SYNE2: variants seen among roughly 807,000 people sequenced by gnomAD.
SYNE2 encodes the protein spectrin repeat containing nuclear envelope protein 2.
A neutral mutation model predicts 856.3 loss-of-function variants in SYNE2; 431 were observed. That is an observed-to-expected ratio of 0.50 (90% CI 0.47 to 0.55). The LOEUF is 0.55. Among genes scored for constraint, SYNE2 ranks in the 20% least tolerant of loss-of-function variants. The pLI, the probability that SYNE2 is intolerant of heterozygous loss-of-function variation, is 0.00. For synonymous variants in SYNE2, 2,923 were observed against 2,872.3 expected, an observed-to-expected ratio of 1.02 and a Z score of -0.56; for missense variants, 8,129 against 8,023.2, an observed-to-expected ratio of 1.01 and a Z score of -0.50.
intron 1 of SYNE2, among the ~76,000 whole-genome samples, chr14:63,768,286 C>A (rs551062837): frequency 4.6e-5 from 7 of 152,004 alleles, no homozygotes; most frequent in Non-Finnish European, 1.0e-4. Flanking sequence ...ATTATAACAA[C>A]AAAACAAGTG....
At chr14:63,974,886 GTGTGTGTATATA>G (rs1171816754) in intron 11 of SYNE2, among the ~76,000 whole-genome samples, 17 of 26,292 alleles carry the variant, frequency 6.5e-4, no homozygotes, top group African/African-American at 1.8e-3. Flanking sequence ...GTGTGTGTGT[GTGTGTGTATATA>G]TATATATATA....
At chr14:63,926,229 C>T (rs373517236) in intron 2 of SYNE2, among the ~76,000 whole-genome samples, 2 of 150,856 alleles carry the variant, frequency 1.3e-5, no homozygotes, top group African/African-American at 4.9e-5. Context: ...CCCATCTCCA[C>T]CTCCAATCTC....
chr14:63,771,853 C>T (rs1378949576), intron 1 of SYNE2, among the ~76,000 whole-genome samples: 5 of 151,322 alleles, frequency 3.3e-5, no homozygotes, highest in East Asian at 1.9e-4. Context: ...ACCGAGATCA[C>T]GTCACTGCAC....
rs746394151 is a variant in SYNE2 at position 63,917,858 on chromosome 14, AT to A, written c.79+8645del. Reference sequence around the variant, plus strand: ...ATTTGCACTGCAAAGTGTTTTTCAAATTTTTTTTTTTTTTAGCTTTTATATA... The same window carrying A: ...ATTTGCACTGCAAAGTGTTTTTCAAATTTTTTTTTTTTTAGCTTTTATATA... On this transcript the variant is annotated intron_variant, in intron 2 of 115. Coordinates refer to ENST00000555002, the MANE Select transcript of SYNE2 (RefSeq NM_182914.3). Among the ~76,000 whole-genome samples the A allele has an allele frequency of 2.9e-3, 421 of 146,170 alleles. 1 individual carries two copies. Among genetic ancestry groups the A allele is most frequent in the East Asian group, 7.7e-3 (39 of 5,044 alleles).
intron 7 of SYNE2, among the ~76,000 whole-genome samples, chr14:63,952,957 A>T (rs2781427): frequency 0.47 from 71,740 of 151,762 alleles, 18,228 homozygotes; most frequent in Non-Finnish European, 0.56. Flanking sequence ...AGACAACTGT[A>T]CTCTTTTGCA....
chr14:63,997,525 C>T lies in SYNE2; in HGVS notation c.3243+134C>T, dbSNP rs559478566. 19 of 791,176 alleles carry T rather than the reference C, an allele frequency of 2.4e-5. No homozygotes were observed. The East Asian group carries it at 4.9e-4, about 20-fold the overall frequency. The allele number at this position is 791,176 out of a possible 1,614,324, so 49.0% of individuals were successfully genotyped here. A position where few individuals can be genotyped will look rare whatever the true frequency, so the allele number is the denominator to read the frequency against. On this transcript the variant is annotated intron_variant, in intron 25 of 115. Coordinates refer to ENST00000555002, the MANE Select transcript of SYNE2 (RefSeq NM_182914.3). ...TTTATCAATGGAGAATTTCCACTTA[C>T]ACAATGCAAAAGACTGATTTTCAAA...
intron 1 of SYNE2, among the ~76,000 whole-genome samples, chr14:63,865,713 C>T (rs780453114): frequency 2.7e-5 from 2 of 74,218 alleles, no homozygotes; most frequent in South Asian, 1.2e-3. Flanking sequence ...ACTCTGTACC[C>T]ACCCCCCCCC....
intron 1 of SYNE2, among the ~76,000 whole-genome samples, chr14:63,811,652 G>T (rs548812251): frequency 8.5e-5 from 13 of 152,254 alleles, no homozygotes; most frequent in African/African-American, 2.9e-4. Context: ...TTTCAACGTA[G>T]GTTCTTTCTA....
intron 44 of SYNE2, 96 bp downstream of exon 44, chr14:64,030,155 T>A: frequency 8.6e-7 from 1 of 1,157,650 alleles, no homozygotes; most frequent in Non-Finnish European, 1.3e-6. Flanking sequence ...GAAATTCCAG[T>A]GGTATTCAGA....
At chr14:63,929,418 A>G (rs2095714469) in intron 2 of SYNE2, among the ~76,000 whole-genome samples, 1 of 152,192 alleles carries the variant, frequency 6.6e-6, no homozygotes, top group Non-Finnish European at 1.5e-5. Flanking sequence ...AAGAAAGTAA[A>G]TAGGATAATA....
intron 1 of SYNE2, among the ~76,000 whole-genome samples, chr14:63,840,392 T>C (rs1401305092): frequency 4.6e-5 from 7 of 150,944 alleles, no homozygotes; most frequent in African/African-American, 1.7e-4. Context: ...TTTCTTCCTT[T>C]CTTTCCTTTC....
intron 45 of SYNE2, among the ~76,000 whole-genome samples, chr14:64,035,644 G>A (rs2097082196): frequency 6.6e-6 from 1 of 151,830 alleles, no homozygotes; most frequent in African/African-American, 2.4e-5. Context: ...TCAGGTGAGG[G>A]AATTGAAGTC....
intron 8 of SYNE2, among the ~76,000 whole-genome samples, chr14:63,960,147 G>T (rs991924889): frequency 6.6e-6 from 1 of 152,040 alleles, no homozygotes; most frequent in East Asian, 1.9e-4. Flanking sequence ...ATTATTTTAC[G>T]TATCTCTTGG....
At chr14:64,074,802 G>A (rs116220794) in intron 53 of SYNE2, among the ~76,000 whole-genome samples, 1,827 of 152,196 alleles carry the variant, frequency 0.012, 40 homozygotes, top group African/African-American at 0.041. Context: ...TGCTGAGGCA[G>A]GAGAATCACT....
intron 19 of SYNE2, among the ~76,000 whole-genome samples, chr14:63,990,071 T>G (rs1276981947): frequency 6.6e-6 from 1 of 152,248 alleles, no homozygotes; most frequent in African/African-American, 2.4e-5. Flanking sequence ...CCCAGTAACA[T>G]TTATTGAATT....
At chr14:63,838,186 A>C (rs185141273) in intron 1 of SYNE2, among the ~76,000 whole-genome samples, 5 of 152,190 alleles carry the variant, frequency 3.3e-5, no homozygotes, top group African/African-American at 4.8e-5. Flanking sequence ...CCTGGTGAAC[A>C]TGGGGAAACC....
Position 64,096,587 on chromosome 14 carries a change from A to G in SYNE2, c.12109-1362A>G, listed in dbSNP as rs2097679332. Among the ~76,000 whole-genome samples the G allele has an allele frequency of 2.6e-5, 4 of 152,348 alleles. No individual in the cohort carries two copies. The South Asian group carries it at 8.3e-4, about 32-fold the overall frequency. On this transcript the variant is annotated intron_variant, in intron 61 of 115. Coordinates refer to ENST00000555002, the MANE Select transcript of SYNE2 (RefSeq NM_182914.3). Reference sequence around the variant, plus strand: ...TTATTGAAAGTGGAACACAAAATGCAGCCAACTCAGATTTAAGTCAAACAG... The same window carrying G: ...TTATTGAAAGTGGAACACAAAATGCGGCCAACTCAGATTTAAGTCAAACAG...
At chr14:64,067,191 G>A (rs557562156) in intron 51 of SYNE2, among the ~76,000 whole-genome samples, 71 of 151,620 alleles carry the variant, frequency 4.7e-4, no homozygotes, top group Non-Finnish European at 9.1e-4. Flanking sequence ...TCAAAGAGTA[G>A]CACAAGCAAA....
At chr14:63,768,929 A>G (rs956682064) in intron 1 of SYNE2, among the ~76,000 whole-genome samples, 8 of 151,820 alleles carry the variant, frequency 5.3e-5, no homozygotes, top group Admixed American at 1.3e-4. Flanking sequence ...ATTAATTGCA[A>G]TGAGGATTTA....
Sources: allele counts gnomAD v4.1 joint callset (sites outside exome capture counted in the v4.1 genomes callset), GRCh38; gene constraint gnomAD v4.1.1; transcripts MANE v1.5; gene names NCBI Gene and HGNC (gene_info 2026-07-23, HGNC 2026-07-21).